The following DPP10 variants were observed in gnomAD, a reference collection of about 807,000 sequenced individuals.
DPP10 encodes the protein dipeptidyl peptidase like 10.
Under a neutral mutation model 120.9 loss-of-function variants are expected in DPP10, and 33 were observed. That is an observed-to-expected ratio of 0.27 (90% CI 0.21 to 0.37). The LOEUF is 0.37. Among genes scored for constraint, DPP10 ranks in the 10% least tolerant of loss-of-function variants. DPP10 has a pLI of 1.00. For missense variants in DPP10, 816 were observed against 942.8 expected (o/e 0.87, Z 1.76); for synonymous variants, 337 against 326.1 (o/e 1.03, Z -0.36).
chr2:115,482,864 A>C (rs112397992), intron 3 of DPP10, among the ~76,000 whole-genome samples: 10,129 of 151,942 alleles, frequency 0.067, 448 homozygotes, highest in Middle Eastern at 0.12. Context: ...TGTGTGGGTG[A>C]TTAACCTCTG....
chr2:115,155,411 C>A (rs2051845658), intron 1 of DPP10, among the ~76,000 whole-genome samples: 1 of 152,146 alleles, frequency 6.6e-6, no homozygotes. Flanking sequence ...CAGGGGACCC[C>A]TGAAGGGAAG....
intron 3 of DPP10, among the ~76,000 whole-genome samples, chr2:115,420,764 AAC>A (rs1401508178): frequency 1.3e-5 from 2 of 152,186 alleles, no homozygotes; most frequent in African/African-American, 4.8e-5. Flanking sequence ...CACATTAACA[AAC>A]AACTCTGTGG....
chr2:115,447,655 C>T (rs962581466), intron 3 of DPP10, among the ~76,000 whole-genome samples: 1 of 152,138 alleles, frequency 6.6e-6, no homozygotes, highest in Non-Finnish European at 1.5e-5. Context: ...GTGTCCCCTG[C>T]TCTCTTGGTC....
intron 1 of DPP10, among the ~76,000 whole-genome samples, chr2:114,446,550 ATTTAT>A (rs1366497128): frequency 6.6e-6 from 1 of 152,084 alleles, no homozygotes; most frequent in Non-Finnish European, 1.5e-5. Flanking sequence ...GACCTGCCTG[ATTTAT>A]TTTAATACTG....
In DPP10 at chr2:114,933,677, G is replaced by A. The variant is rs138982233; in HGVS notation, c.61-375562G>A. ...CAATAAAAAGTATCAAAGGGTGAGA[G>A]CTATATGATAAAAATAACTAGAAGA... On this transcript the variant is annotated intron_variant, in intron 1 of 25. Transcript: ENST00000410059. Among the ~76,000 whole-genome samples the A allele has an allele frequency of 5.7e-4, 87 of 152,258 alleles. 1 individual carries two copies. Among genetic ancestry groups the A allele is most frequent in the African/African-American group, 2.1e-3 (86 of 41,546 alleles).
chr2:114,646,475 G>GCA (rs972753766), intron 1 of DPP10, among the ~76,000 whole-genome samples: 104 of 152,228 alleles, frequency 6.8e-4, no homozygotes, highest in African/African-American at 2.4e-3. Flanking sequence ...GAGTCTTGGG[G>GCA]CACTTTTGGT....
chr2:115,173,505 T>A (rs1268548407), intron 1 of DPP10, among the ~76,000 whole-genome samples: 1 of 152,194 alleles, frequency 6.6e-6, no homozygotes, highest in Non-Finnish European at 1.5e-5. Flanking sequence ...TATATAGGGC[T>A]AAAAAATTAA....
At chr2:114,592,680 A>G (rs1173459523) in intron 1 of DPP10, among the ~76,000 whole-genome samples, 1 of 152,198 alleles carries the variant, frequency 6.6e-6, no homozygotes, top group Admixed American at 6.5e-5. Context: ...AAAAACCCTC[A>G]AAACGCTTGA....
At chr2:114,831,857 A>AAAT (rs10633933) in intron 1 of DPP10, among the ~76,000 whole-genome samples, 25 of 146,100 alleles carry the variant, frequency 1.7e-4, no homozygotes, top group Admixed American at 4.1e-4. Context: ...AATTAAAAAA[A>AAAT]ATATATATAT....
chr2:115,468,195 A>G (rs1232281837), intron 3 of DPP10: 23 of 494,160 alleles, frequency 4.7e-5, no homozygotes, highest in Non-Finnish European at 8.5e-5. Flanking sequence ...GATGGCATCT[A>G]TATCCTAAAT....
intron 1 of DPP10, among the ~76,000 whole-genome samples, chr2:114,800,445 A>G (rs550394335): frequency 6.6e-6 from 1 of 152,368 alleles, no homozygotes; most frequent in Non-Finnish European, 1.5e-5. Flanking sequence ...TCAAAAATAC[A>G]AACACTTCAC....
At chr2:114,531,162 C>G (rs1425927695) in intron 1 of DPP10, among the ~76,000 whole-genome samples, 1 of 152,038 alleles carries the variant, frequency 6.6e-6, no homozygotes, top group Non-Finnish European at 1.5e-5. Context: ...CTGAGCACCT[C>G]TTATATTCTA....
intron 1 of DPP10, among the ~76,000 whole-genome samples, chr2:115,119,526 G>T (rs2049713093): frequency 6.6e-6 from 1 of 152,166 alleles, no homozygotes; most frequent in Non-Finnish European, 1.5e-5. Flanking sequence ...GCCCTCAAGA[G>T]TACAAGACTC....
At chr2:114,592,586 T>G (rs1691550871) in intron 1 of DPP10, among the ~76,000 whole-genome samples, 1 of 151,582 alleles carries the variant, frequency 6.6e-6, no homozygotes, top group Non-Finnish European at 1.5e-5. Context: ...TGAACAGAAT[T>G]GAAACAAACC....
intron 1 of DPP10, among the ~76,000 whole-genome samples, chr2:115,202,767 G>T (rs1573995273): frequency 1.3e-5 from 2 of 152,256 alleles, no homozygotes; most frequent in Admixed American, 1.3e-4. Flanking sequence ...TAGTGTGACT[G>T]AATTACTGAA....
intron 1 of DPP10, among the ~76,000 whole-genome samples, chr2:114,716,576 C>A (rs1418310974): frequency 1.3e-5 from 2 of 152,198 alleles, no homozygotes; most frequent in African/African-American, 4.8e-5. Context: ...AGCAGTTTCA[C>A]CTAATTGGGC....
intron 1 of DPP10, among the ~76,000 whole-genome samples, chr2:114,531,715 T>A (rs1686006663): frequency 6.6e-6 from 1 of 151,994 alleles, no homozygotes; most frequent in African/African-American, 2.4e-5. Flanking sequence ...TAGATCTTCA[T>A]GGAAGATCAG....
At chr2:114,865,331 T>C (rs1425067986) in intron 1 of DPP10, among the ~76,000 whole-genome samples, 1 of 152,224 alleles carries the variant, frequency 6.6e-6, no homozygotes, top group African/African-American at 2.4e-5. Flanking sequence ...TCTGCATTAT[T>C]TACTGGTGAA....
chr2:114,746,081 G>T (rs1678553173), intron 1 of DPP10, among the ~76,000 whole-genome samples: 1 of 152,108 alleles, frequency 6.6e-6, no homozygotes, highest in Non-Finnish European at 1.5e-5. Context: ...CTTTCATTTT[G>T]TCTCTCCTTT....
Sources: gnomAD v4.1 joint callset for allele counts (sites outside exome capture counted in the v4.1 genomes callset) on GRCh38, gnomAD v4.1.1 for gene constraint, MANE v1.5 for transcripts, NCBI Gene and HGNC (gene_info 2026-07-23, HGNC 2026-07-21) for gene names.